Variants in KIAA1671 observed in about 807,000 individuals in gnomAD.
KIAA1671 encodes the protein KIAA1671.
In KIAA1671, 52 loss-of-function variants were observed where a neutral mutation model predicts 131.2. The observed-to-expected ratio is 0.40, with a 90% CI of 0.32 to 0.50. The LOEUF is 0.50. KIAA1671 is among the 20% of genes least tolerant of loss of function. The probability of loss-of-function intolerance (pLI) is 0.73; values close to 1 mark genes in which losing one functional copy is unlikely to be tolerated. For missense variants in KIAA1671, 2,360 were observed against 2,364.2 expected, an observed-to-expected ratio of 1.00 and a Z score of 0.04; for synonymous variants, 1,003 against 961.6, an observed-to-expected ratio of 1.04 and a Z score of -0.80.
chr22:25,165,504 A>G (rs1464969888), intron 6 of KIAA1671, among the ~76,000 whole-genome samples: 3 of 152,220 alleles, frequency 2.0e-5, no homozygotes, highest in African/African-American at 7.2e-5. Flanking sequence ...AGTGATAGAA[A>G]TGTATTCTCC....
chr22:25,075,095 T>A (rs1204363158), intron 6 of KIAA1671, among the ~76,000 whole-genome samples: 1 of 152,198 alleles, frequency 6.6e-6, no homozygotes, highest in African/African-American at 2.4e-5. Flanking sequence ...TTAACATTGG[T>A]GCATTACTGT....
rs549683203 is a variant in KIAA1671, at chr22:25,091,902, C to T, written c.4530+42538C>T. 3.3e-4 allele frequency among the ~76,000 whole-genome samples: 50 copies of T among 152,236 alleles called. 1 individual carries two copies. The highest frequency in any genetic ancestry group is 1.2e-3 in the African/African-American group (49 of 41,546). ...CGTCTTGTGGGTGTTGGGGTTACCA[C>T]CTCTGTTGTAGAGATGGACAAGTAC... On this transcript the variant is annotated intron_variant, in intron 6 of 12. Transcript: ENST00000358431.
At chr22:25,070,827 A>G (rs188537797) in intron 6 of KIAA1671, among the ~76,000 whole-genome samples, 117 of 152,270 alleles carry the variant, frequency 7.7e-4, no homozygotes, top group African/African-American at 2.5e-3. Flanking sequence ...ATGGGATGAA[A>G]ATAATAGATT....
intron 6 of KIAA1671, among the ~76,000 whole-genome samples, chr22:25,086,439 G>C (rs1355705081): frequency 6.6e-6 from 1 of 152,226 alleles, no homozygotes; most frequent in Non-Finnish European, 1.5e-5. Flanking sequence ...ACGCAGGAGT[G>C]AGTGAGTGCA....
chr22:25,086,692 C>T (rs914487407), intron 6 of KIAA1671, among the ~76,000 whole-genome samples: 1 of 152,180 alleles, frequency 6.6e-6, no homozygotes, highest in African/African-American at 2.4e-5. Flanking sequence ...TCGGTCTGCA[C>T]AGGTGGACAG....
intron 6 of KIAA1671, among the ~76,000 whole-genome samples, chr22:25,131,120 G>A (rs969342929): frequency 7.2e-5 from 11 of 152,208 alleles, no homozygotes; most frequent in Non-Finnish European, 2.9e-5. Flanking sequence ...GGATTGCTCT[G>A]GAAGAGACTG....
rs1316953158 is a variant in KIAA1671, at chr22:25,133,759, G to A, written c.4531-37061G>A. ...GATGGGGTCTTGCTATGTTGCCCAAGCTGATCTTGAACTCCTGGGTTCTTG... is the reference window on the plus strand; with the variant it reads ...GATGGGGTCTTGCTATGTTGCCCAAACTGATCTTGAACTCCTGGGTTCTTG... On this transcript the variant is annotated intron_variant, in intron 6 of 12. Transcript: ENST00000358431. 4.6e-5 allele frequency among the ~76,000 whole-genome samples: 7 copies of A among 152,144 alleles called. No homozygotes were observed. The East Asian group carries it at 1.3e-3, about 29-fold the overall frequency.
rs1042172428 is a variant in KIAA1671 at position 25,036,080 on chromosome 22, T to A, written c.1630-2680T>A. On this transcript the variant is annotated intron_variant, in intron 4 of 12. Coordinates refer to ENST00000358431, the MANE Select transcript of KIAA1671 (RefSeq NM_001145206.2). The stretch of plus-strand genomic sequence containing the variant: ...AGCGAGATGCTGTCTTTATTTTATT[T>A]ATTTATTTATTTTTTTAGAGATGGA... Among the ~76,000 whole-genome samples the A allele has an allele frequency of 5.8e-3, 883 of 152,168 alleles. 12 individuals carry two copies. The highest frequency in any genetic ancestry group is 0.021 in the African/African-American group (855 of 41,538).
At chr22:25,167,938 G>T (rs1933701303) in intron 6 of KIAA1671, among the ~76,000 whole-genome samples, 1 of 152,104 alleles carries the variant, frequency 6.6e-6, no homozygotes, top group Non-Finnish European at 1.5e-5. Context: ...TGTGCCCTGG[G>T]GGTGACCATT....
At chr22:25,113,343 C>G (rs1252978210) in intron 6 of KIAA1671, among the ~76,000 whole-genome samples, 1 of 152,234 alleles carries the variant, frequency 6.6e-6, no homozygotes, top group African/African-American at 2.4e-5. Flanking sequence ...CTGACCAGAC[C>G]TGAGCCTAAA....
chr22:25,174,639 T>G, intron 8 of KIAA1671, 150 bp downstream of exon 8: 1 of 854,998 alleles, frequency 1.2e-6, no homozygotes, highest in African/African-American at 1.7e-5. Flanking sequence ...CTTATGCATG[T>G]ATCTTGGACC....
intron 6 of KIAA1671, among the ~76,000 whole-genome samples, chr22:25,157,134 A>G (rs1933270215): frequency 6.6e-6 from 1 of 152,238 alleles, no homozygotes; most frequent in Non-Finnish European, 1.5e-5. Flanking sequence ...GGAAACGTAA[A>G]AGAATTATAT....
At chr22:25,112,235 G>A (rs1931400105) in intron 6 of KIAA1671, 2 of 398,964 alleles carry the variant, frequency 5.0e-6, no homozygotes, top group Non-Finnish European at 8.8e-6. Context: ...CCAGTGGATG[G>A]GCACCGTGAG....
chr22:25,070,321 C>T (rs1034698897), intron 6 of KIAA1671: 3 of 424,572 alleles, frequency 7.1e-6, no homozygotes, highest in Middle Eastern at 3.1e-4. Flanking sequence ...TAGAGGAAAG[C>T]TGGAAACCGT....
chr22:25,179,088 G>C lies in KIAA1671; in HGVS notation c.5074+1566G>C, dbSNP rs945454934. On this transcript the variant is annotated intron_variant, in intron 9 of 12. Coordinates refer to ENST00000358431, the MANE Select transcript of KIAA1671 (RefSeq NM_001145206.2). The stretch of plus-strand genomic sequence containing the variant: ...CCGCGCCCGGCCTGGTGTCTGCACC[G>C]AGGGACCGCGTCTCACGCCCGGCGG... 6.6e-5 allele frequency among the ~76,000 whole-genome samples: 10 copies of C among 152,330 alleles called. No homozygotes were observed. In the East Asian group the frequency reaches 1.7e-3, roughly 27 times the overall value.
intron 1 of KIAA1671, among the ~76,000 whole-genome samples, chr22:24,957,684 T>C (rs1921785436): frequency 6.7e-6 from 1 of 148,386 alleles, no homozygotes; most frequent in African/African-American, 2.5e-5. Flanking sequence ...TTTTTTTTTT[T>C]TTTTTTTTTT....
chr22:25,164,597 CAA>C (rs1428322111), intron 6 of KIAA1671, among the ~76,000 whole-genome samples: 1 of 152,164 alleles, frequency 6.6e-6, no homozygotes, highest in African/African-American at 2.4e-5. Flanking sequence ...GCCTGTGAAG[CAA>C]AAGAGTTGGA....
chr22:25,107,322 C>A (rs1053898453), intron 6 of KIAA1671, among the ~76,000 whole-genome samples: 8 of 152,074 alleles, frequency 5.3e-5, no homozygotes, highest in Admixed American at 2.0e-4. Context: ...GAGACTGAGG[C>A]AGGAGAATGG....
intron 6 of KIAA1671, among the ~76,000 whole-genome samples, chr22:25,122,771 G>A (rs928162011): frequency 3.9e-5 from 6 of 152,084 alleles, no homozygotes; most frequent in Non-Finnish European, 7.4e-5. Flanking sequence ...TCAGGAGATC[G>A]AGACCATCCT....
Sources: allele counts gnomAD v4.1 joint callset (sites outside exome capture counted in the v4.1 genomes callset), GRCh38; gene constraint gnomAD v4.1.1; transcripts MANE v1.5; gene names NCBI Gene and HGNC (gene_info 2026-07-23, HGNC 2026-07-21).